Variants in ACTR3C observed in about 807,000 individuals in gnomAD.
ACTR3C encodes the protein actin-related protein 3C.
A neutral mutation model predicts 26.3 loss-of-function variants in ACTR3C; 18 were observed. The ratio of observed to expected loss-of-function variants is 0.68; its 90% CI spans 0.47 to 1.01. The LOEUF (loss-of-function observed/expected upper bound fraction) is 1.01. Among genes scored for constraint, ACTR3C ranks in the 50% least tolerant of loss-of-function variants. The pLI is 0.00. For synonymous variants in ACTR3C, 55 were observed against 94.5 expected (o/e 0.58, Z 2.42); for missense variants, 184 against 250.7 (o/e 0.73, Z 1.80).
intron 1 of ACTR3C, among the ~76,000 whole-genome samples, chr7:150,307,842 A>G (rs987025798): frequency 5.9e-5 from 9 of 152,178 alleles, no homozygotes; most frequent in African/African-American, 2.2e-4. Flanking sequence ...CCAATTTTAA[A>G]TTGGGTAAGT....
chr7:150,092,627 G>A, the ACTR3C span, among the ~76,000 whole-genome samples: 2 of 150,392 alleles, frequency 1.3e-5, no homozygotes, highest in African/African-American at 5.0e-5. Context: ...ATTAATAGTG[G>A]TGGAAACTAC....
the ACTR3C span, among the ~76,000 whole-genome samples, chr7:149,933,817 G>A: frequency 6.7e-6 from 1 of 149,526 alleles, no homozygotes; most frequent in African/African-American, 2.5e-5. Flanking sequence ...TAAATTCTGG[G>A]TGTCAAGTTC....
chr7:150,295,163 T>C, intron 2 of ACTR3C, 89 bp downstream of exon 2: 5 of 1,474,276 alleles, frequency 3.4e-6, no homozygotes, highest in South Asian at 2.4e-5. Context: ...CACAGCGCAG[T>C]CTTCCAGCGG....
At chr7:149,953,506 C>T in the ACTR3C span, among the ~76,000 whole-genome samples, 1 of 151,512 alleles carries the variant, frequency 6.6e-6, no homozygotes, top group African/African-American at 2.4e-5. Context: ...GTTATATTCA[C>T]TCAAAGACTT....
At chr7:150,078,340 T>A in the ACTR3C span, among the ~76,000 whole-genome samples, 1 of 147,426 alleles carries the variant, frequency 6.8e-6, no homozygotes, top group East Asian at 2.0e-4. Flanking sequence ...CTTGCCATGG[T>A]CAAGCAGCTT....
the ACTR3C span, among the ~76,000 whole-genome samples, chr7:150,177,254 T>C: frequency 4.0e-5 from 6 of 150,866 alleles, no homozygotes; most frequent in Middle Eastern, 6.8e-3. Context: ...TATTTATTCA[T>C]TTTGTAGTTA....
the ACTR3C span, among the ~76,000 whole-genome samples, chr7:150,185,818 G>C: frequency 1.1e-3 from 168 of 152,276 alleles, no homozygotes; most frequent in African/African-American, 3.9e-3. Flanking sequence ...TCCTACAGAA[G>C]AACCACAACC....
the ACTR3C span, among the ~76,000 whole-genome samples, chr7:150,087,376 T>G: frequency 1.3e-5 from 2 of 152,298 alleles, no homozygotes; most frequent in African/African-American, 4.8e-5. Flanking sequence ...CTTTTCATAA[T>G]AGAGTCATGA....
At chr7:150,096,570 A>C in the ACTR3C span, among the ~76,000 whole-genome samples, 18 of 151,806 alleles carry the variant, frequency 1.2e-4, 1 homozygote, top group African/African-American at 4.4e-4. Context: ...TCATGCTTCT[A>C]CTACAGCTAC....
At chr7:149,883,697 T>C in the ACTR3C span, among the ~76,000 whole-genome samples, 1 of 152,106 alleles carries the variant, frequency 6.6e-6, no homozygotes, top group Non-Finnish European at 1.5e-5. Context: ...CCTAGAGTCA[T>C]AGGCTTGAGC....
chr7:150,080,543 G>A, the ACTR3C span, among the ~76,000 whole-genome samples: 4 of 151,836 alleles, frequency 2.6e-5, no homozygotes, highest in South Asian at 2.1e-4. Flanking sequence ...GTGTGTGTGT[G>A]TGTGTGTGTG....
chr7:150,053,673 C>T, the ACTR3C span, among the ~76,000 whole-genome samples: 1 of 152,236 alleles, frequency 6.6e-6, no homozygotes, highest in Non-Finnish European at 1.5e-5. Flanking sequence ...TAGGGTCAGT[C>T]AAATGCAACG....
At chr7:150,105,153 G>A in the ACTR3C span, among the ~76,000 whole-genome samples, 5 of 147,440 alleles carry the variant, frequency 3.4e-5, no homozygotes, top group Admixed American at 1.4e-4. Flanking sequence ...CGCTATCTCC[G>A]CTCACTGCAA....
At chr7:150,316,195 C>T (rs530098436) in intron 1 of ACTR3C, among the ~76,000 whole-genome samples, 1 of 152,152 alleles carries the variant, frequency 6.6e-6, no homozygotes, top group Non-Finnish European at 1.5e-5. Flanking sequence ...GAAACTCTGT[C>T]TCAAAAAACA....
At chr7:150,145,084 A>G in the ACTR3C span, among the ~76,000 whole-genome samples, 6 of 150,010 alleles carry the variant, frequency 4.0e-5, no homozygotes, top group South Asian at 1.3e-3. Context: ...CCCCTTTCCT[A>G]TTTTTCACTG....
the ACTR3C span, among the ~76,000 whole-genome samples, chr7:150,182,098 T>G: frequency 6.6e-6 from 1 of 150,606 alleles, no homozygotes; most frequent in South Asian, 2.1e-4. Flanking sequence ...CCTTACTAAG[T>G]GTCCCTCCTG....
chr7:150,132,106 T>A, the ACTR3C span, among the ~76,000 whole-genome samples: 1 of 152,202 alleles, frequency 6.6e-6, no homozygotes, highest in Non-Finnish European at 1.5e-5. Flanking sequence ...CTAGTGGGCT[T>A]AGCAATGGAA....
At chr7:150,076,144 T>C in the ACTR3C span, among the ~76,000 whole-genome samples, 1 of 151,862 alleles carries the variant, frequency 6.6e-6, no homozygotes, top group East Asian at 1.9e-4. Context: ...CCTCTGCTTG[T>C]TTTTCTAGAT....
chr7:150,295,753 G>T, intron 1 of ACTR3C, among the ~76,000 whole-genome samples: 1 of 149,304 alleles, frequency 6.7e-6, no homozygotes, highest in South Asian at 2.1e-4. Context: ...GAGAGCCAGA[G>T]GAGCAGCAGC....
Sources: allele counts gnomAD v4.1 joint callset (sites outside exome capture counted in the v4.1 genomes callset), GRCh38; gene constraint gnomAD v4.1.1; transcripts MANE v1.5; gene names NCBI Gene and HGNC (gene_info 2026-07-23, HGNC 2026-07-21).